FBXL7: variants seen among roughly 807,000 people sequenced by gnomAD.
FBXL7 encodes F-box and leucine rich repeat protein 7, also known as F-box/LRR-repeat protein 7.
Under a neutral mutation model 38.3 loss-of-function variants are expected in FBXL7, and 12 were observed. The observed-to-expected ratio is 0.31, with a 90% CI of 0.20 to 0.51. FBXL7 has a LOEUF of 0.51. Ranked by LOEUF, FBXL7 falls within the 20% of genes least tolerant of loss-of-function variation. The pLI, the probability that FBXL7 is intolerant of heterozygous loss-of-function variation, is 0.98. For synonymous variants in FBXL7, 297 were observed against 300.9 expected (o/e 0.99, Z 0.13); for missense variants, 567 against 676.4 (o/e 0.84, Z 1.79).
chr5:15,835,217 C>A (rs1314372475), intron 2 of FBXL7, among the ~76,000 whole-genome samples: 1 of 152,108 alleles, frequency 6.6e-6, no homozygotes, highest in East Asian at 1.9e-4. Flanking sequence ...TTGGCTATCA[C>A]CAGCAGGTTT....
chr5:15,810,235 T>C (rs990518568), intron 2 of FBXL7, among the ~76,000 whole-genome samples: 7 of 152,124 alleles, frequency 4.6e-5, no homozygotes, highest in African/African-American at 1.7e-4. Flanking sequence ...ACATGTGCCA[T>C]TGAATAATCA....
chr5:15,612,076 T>TA (rs1412767348), intron 1 of FBXL7, among the ~76,000 whole-genome samples: 1 of 152,158 alleles, frequency 6.6e-6, no homozygotes, highest in African/African-American at 2.4e-5. Flanking sequence ...TCAAAGGACA[T>TA]AGATTTTCAG....
At chr5:15,541,510 A>C (rs1271930261) in intron 1 of FBXL7, among the ~76,000 whole-genome samples, 1 of 102,234 alleles carries the variant, frequency 9.8e-6, no homozygotes, top group African/African-American at 3.7e-5. Context: ...TATTGTTCCC[A>C]TCTTACCCCC....
At chr5:15,887,588 C>T (rs149800837) in intron 2 of FBXL7, among the ~76,000 whole-genome samples, 1,578 of 152,208 alleles carry the variant, frequency 0.01, 20 homozygotes, top group Non-Finnish European at 0.014. Flanking sequence ...AAATATTGGC[C>T]CTCTGCGCTT....
intron 2 of FBXL7, among the ~76,000 whole-genome samples, chr5:15,881,561 C>G (rs550980343): frequency 6.6e-6 from 1 of 152,268 alleles, no homozygotes; most frequent in Admixed American, 6.5e-5. Context: ...ATTGCTGGAT[C>G]AAATGGTAGA....
intron 2 of FBXL7, among the ~76,000 whole-genome samples, chr5:15,887,296 C>T (rs1368925551): frequency 6.6e-6 from 1 of 152,056 alleles, no homozygotes; most frequent in East Asian, 1.9e-4. Context: ...CTGGGAATTT[C>T]TTGAGGGGAA....
In FBXL7 at chr5:15,936,998, C is replaced by T; in HGVS notation, c.1288C>T (p.Leu430Phe). Residue 430 changes from leucine to phenylalanine, a missense_variant, in exon 4 of 4, where the codon CTC becomes TTC. Coordinates refer to ENST00000504595, the MANE Select transcript of FBXL7 (RefSeq NM_012304.5). The surrounding 1 kb of genome is among the most constrained non-coding windows in gnomAD (Gnocchi z 6.0). ...LECLALNCFN[L>F]KRLSLKSCES... ...GTGCCTGGCCCTGAACTGCTTCAAC[C>T]TCAAGCGGCTCAGCCTCAAGTCCTG... The T allele has an allele frequency of 1.2e-6, 2 of 1,614,040 alleles. No homozygotes were observed. The highest frequency in any genetic ancestry group is 8.5e-7 in the Non-Finnish European group (1 of 1,179,900).
At chr5:15,801,904 G>A (rs1737579514) in intron 2 of FBXL7, among the ~76,000 whole-genome samples, 1 of 151,920 alleles carries the variant, frequency 6.6e-6, no homozygotes, top group Non-Finnish European at 1.5e-5. Flanking sequence ...TTTGAGAGAT[G>A]TGTATCTATC....
intron 1 of FBXL7, among the ~76,000 whole-genome samples, chr5:15,571,768 C>T (rs1420150265): frequency 1.3e-5 from 2 of 152,022 alleles, no homozygotes; most frequent in Non-Finnish European, 2.9e-5. Flanking sequence ...TGGACATGTG[C>T]CTTCTCCATG....
At chr5:15,724,520 A>G (rs1744288329) in intron 2 of FBXL7, among the ~76,000 whole-genome samples, 1 of 152,198 alleles carries the variant, frequency 6.6e-6, no homozygotes, top group African/African-American at 2.4e-5. Context: ...GCCAAGCTCC[A>G]GGAAACCATG....
chr5:15,501,776 G>A (rs1736492886), intron 1 of FBXL7: 1 of 981,110 alleles, frequency 1.0e-6, no homozygotes, highest in Non-Finnish European at 1.2e-6. Context: ...AGCAGAAACC[G>A]ACCCTACAAA....
chr5:15,685,492 G>A (rs995401049), intron 2 of FBXL7, among the ~76,000 whole-genome samples: 1 of 152,192 alleles, frequency 6.6e-6, no homozygotes, highest in African/African-American at 2.4e-5. Context: ...CAGGTGAAAT[G>A]AATGGAACCT....
At chr5:15,557,024 G>A (rs10475067) in intron 1 of FBXL7, among the ~76,000 whole-genome samples, 56,291 of 151,818 alleles carry the variant, frequency 0.37, 10,763 homozygotes, top group African/African-American at 0.45. Context: ...TGCAAGCTCC[G>A]CTTCCTGGGT....
chr5:15,924,787 T>G (rs1741839376), intron 2 of FBXL7, among the ~76,000 whole-genome samples: 1 of 152,176 alleles, frequency 6.6e-6, no homozygotes, highest in African/African-American at 2.4e-5. Context: ...CCACCACACC[T>G]GACTAATTTT....
chr5:15,582,539 A>C (rs1379959877), intron 1 of FBXL7, among the ~76,000 whole-genome samples: 1 of 152,196 alleles, frequency 6.6e-6, no homozygotes, highest in Non-Finnish European at 1.5e-5. Flanking sequence ...TGCCATGCCA[A>C]TGAGAGCATC....
intron 2 of FBXL7, among the ~76,000 whole-genome samples, chr5:15,921,018 T>C (rs1281929482): frequency 1.3e-5 from 2 of 152,330 alleles, no homozygotes; most frequent in Non-Finnish European, 2.9e-5. Flanking sequence ...CCTCTGTCTT[T>C]CCTCGAGAGG....
intron 1 of FBXL7, among the ~76,000 whole-genome samples, chr5:15,558,156 T>C (rs907040460): frequency 6.6e-6 from 1 of 152,206 alleles, no homozygotes; most frequent in Non-Finnish European, 1.5e-5. Flanking sequence ...TTTTGTTATA[T>C]ATATTTTACC....
At chr5:15,919,058 TA>T (rs1421591108) in intron 2 of FBXL7, among the ~76,000 whole-genome samples, 1 of 152,242 alleles carries the variant, frequency 6.6e-6, no homozygotes. Context: ...TTTATTGATC[TA>T]TTTTTTTAAG....
At chr5:15,811,140 T>C (rs75357494) in intron 2 of FBXL7, among the ~76,000 whole-genome samples, 87 of 152,308 alleles carry the variant, frequency 5.7e-4, no homozygotes, top group African/African-American at 2.0e-3. Flanking sequence ...AGGCATGGGC[T>C]TGATGTACTC....
Sources: allele counts gnomAD v4.1 joint callset (sites outside exome capture counted in the v4.1 genomes callset), GRCh38; gene constraint gnomAD v4.1.1; non-coding constraint Gnocchi (gnomAD v3.1); transcripts MANE v1.5; gene names NCBI Gene and HGNC (gene_info 2026-07-23, HGNC 2026-07-21).